NAALADL2: variants seen among roughly 807,000 people sequenced by gnomAD.
NAALADL2 encodes the protein inactive N-acetylated-alpha-linked acidic dipeptidase-like protein 2.
NAALADL2 carries 76 observed loss-of-function variants against 87.2 expected under a neutral mutation model. The ratio of observed to expected loss-of-function variants is 0.87; its 90% CI spans 0.72 to 1.05. NAALADL2 has a LOEUF of 1.05. Among genes scored for constraint, NAALADL2 ranks in the 50% least tolerant of loss-of-function variants. The pLI is 0.00. For missense variants in NAALADL2, 1,089 were observed against 945.8 expected (o/e 1.15, Z -1.99); for synonymous variants, 354 against 331.0 (o/e 1.07, Z -0.75).
At chr3:174,970,885 A>T (rs1743535909) in intron 1 of NAALADL2, among the ~76,000 whole-genome samples, 1 of 152,198 alleles carries the variant, frequency 6.6e-6, no homozygotes, top group African/African-American at 2.4e-5. Context: ...TCAGCACAAC[A>T]CATAAGAAAG....
At chr3:174,889,832 C>T (rs568535586) in intron 1 of NAALADL2, among the ~76,000 whole-genome samples, 1 of 152,086 alleles carries the variant, frequency 6.6e-6, no homozygotes, top group Non-Finnish European at 1.5e-5. Context: ...AGAATTCTGT[C>T]AAATGGGTAA....
chr3:175,018,579 T>G (rs1211480111), intron 1 of NAALADL2, among the ~76,000 whole-genome samples: 1 of 152,058 alleles, frequency 6.6e-6, no homozygotes, highest in Non-Finnish European at 1.5e-5. Flanking sequence ...TAGGCAAGCT[T>G]AATTCTAGTT....
At chr3:175,626,011 A>G (rs1419696088) in intron 10 of NAALADL2, among the ~76,000 whole-genome samples, 1 of 152,034 alleles carries the variant, frequency 6.6e-6, no homozygotes, top group Non-Finnish European at 1.5e-5. Flanking sequence ...TCTGAAAAAC[A>G]TGCAAAAGGG....
intron 2 of NAALADL2, among the ~76,000 whole-genome samples, chr3:175,187,845 A>G (rs1305438698): frequency 3.3e-5 from 5 of 152,206 alleles, no homozygotes; most frequent in African/African-American, 9.6e-5. Context: ...ATGAGTGAAC[A>G]TGATCCTTGC....
At chr3:175,551,695 C>T (rs9864809) in intron 9 of NAALADL2, among the ~76,000 whole-genome samples, 57,488 of 151,890 alleles carry the variant, frequency 0.38, 11,025 homozygotes, top group Middle Eastern at 0.43. Flanking sequence ...GTCAGGAGAT[C>T]GAGACCATCC....
chr3:175,521,512 T>C (rs1412468138), intron 9 of NAALADL2, among the ~76,000 whole-genome samples: 3 of 152,138 alleles, frequency 2.0e-5, no homozygotes, highest in African/African-American at 7.2e-5. Context: ...AGAGATATGT[T>C]CAAGTCCTAA....
At chr3:174,494,413 G>T (rs1718388886) in intron 1 of NAALADL2, among the ~76,000 whole-genome samples, 2 of 148,022 alleles carry the variant, frequency 1.4e-5, no homozygotes, top group South Asian at 4.4e-4. Context: ...TCATAGGTGG[G>T]AATTGAACAA....
At chr3:175,280,932 T>C (rs1460475617) in intron 4 of NAALADL2, among the ~76,000 whole-genome samples, 2 of 151,984 alleles carry the variant, frequency 1.3e-5, no homozygotes, top group Non-Finnish European at 2.9e-5. Context: ...TTTACATTGA[T>C]GAAGAAAAAT....
chr3:175,725,104 A>G (rs1167886290), intron 11 of NAALADL2, among the ~76,000 whole-genome samples: 1 of 152,106 alleles, frequency 6.6e-6, no homozygotes, highest in Non-Finnish European at 1.5e-5. Flanking sequence ...GATACTCAGC[A>G]TTATGACCTG....
chr3:174,444,214 T>G (rs1714876577), intron 1 of NAALADL2, among the ~76,000 whole-genome samples: 1 of 152,112 alleles, frequency 6.6e-6, no homozygotes. Context: ...CAAGAGAGAC[T>G]ATCTGTTGCT....
At chr3:175,337,776 T>G (rs75246927) in intron 5 of NAALADL2, among the ~76,000 whole-genome samples, 5,469 of 152,284 alleles carry the variant, frequency 0.036, 294 homozygotes, top group African/African-American at 0.12. Context: ...TTTACAATTT[T>G]TCAGCATGCT....
chr3:174,887,566 G>T (rs1349800557), intron 1 of NAALADL2, among the ~76,000 whole-genome samples: 1 of 152,072 alleles, frequency 6.6e-6, no homozygotes, highest in African/African-American at 2.4e-5. Flanking sequence ...AATCTGAGGT[G>T]GGAGGATTGC....
At chr3:175,396,990 C>T (rs113103337) in intron 5 of NAALADL2, among the ~76,000 whole-genome samples, 7 of 152,130 alleles carry the variant, frequency 4.6e-5, no homozygotes, top group South Asian at 2.1e-4. Flanking sequence ...TGAGGACAGA[C>T]GAATACACTT....
At chr3:174,460,876 T>C (rs750176324) in intron 1 of NAALADL2, among the ~76,000 whole-genome samples, 9 of 152,048 alleles carry the variant, frequency 5.9e-5, no homozygotes, top group Non-Finnish European at 1.3e-4. Context: ...AGATTAGATT[T>C]TTCTTTCCTC....
intron 1 of NAALADL2, among the ~76,000 whole-genome samples, chr3:175,090,503 G>GT (rs1367829093): frequency 2.0e-5 from 3 of 151,938 alleles, no homozygotes; most frequent in Non-Finnish European, 4.4e-5. Flanking sequence ...GAACTAGCAG[G>GT]TGCTCATGCA....
intron 2 of NAALADL2, among the ~76,000 whole-genome samples, chr3:174,665,434 C>G (rs1014169703): frequency 6.6e-6 from 1 of 152,048 alleles, no homozygotes; most frequent in Admixed American, 6.6e-5. Context: ...GTGTTACTAC[C>G]TTTATTATTT....
At chr3:175,329,198 A>G (rs570407653) in intron 5 of NAALADL2, among the ~76,000 whole-genome samples, 1 of 152,160 alleles carries the variant, frequency 6.6e-6, no homozygotes, top group South Asian at 2.1e-4. Flanking sequence ...CTTCGTATCT[A>G]TGTCCCTCTC....
At chr3:174,837,015 C>A (rs554110831) in intron 3 of NAALADL2, among the ~76,000 whole-genome samples, 1 of 151,936 alleles carries the variant, frequency 6.6e-6, no homozygotes, top group African/African-American at 2.4e-5. Flanking sequence ...CTAAGAGGAA[C>A]GTTCATAGCC....
chr3:174,569,108 G>C lies in NAALADL2; in HGVS notation c.-115+18471G>C, dbSNP rs187878665. On this transcript the variant is annotated intron_variant, in intron 2 of 3. Coordinates refer to the NAALADL2 transcript ENST00000434257. ...GTCGTACTTGTTTGATCATATTATA[G>C]CTTTCATTAATGTTATGAATTATAT... Among the ~76,000 whole-genome samples, 684 of 151,498 alleles carry C rather than the reference G, an allele frequency of 4.5e-3. 6 individuals carry two copies. The highest frequency in any genetic ancestry group is 7.1e-3 in the Admixed American group (108 of 15,174).
Sources: allele counts gnomAD v4.1 joint callset (sites outside exome capture counted in the v4.1 genomes callset), GRCh38; gene constraint gnomAD v4.1.1; transcripts MANE v1.5; gene names NCBI Gene and HGNC (gene_info 2026-07-23, HGNC 2026-07-21).